The following SLC14A2 variants were observed in gnomAD, a reference collection of about 807,000 sequenced individuals.
SLC14A2 encodes the protein solute carrier family 14 member 2, also known as urea transporter 2.
A neutral mutation model predicts 104.6 loss-of-function variants in SLC14A2; 91 were observed. That is an observed-to-expected ratio of 0.87 (90% CI 0.73 to 1.04). The LOEUF (loss-of-function observed/expected upper bound fraction) is 1.04, where lower values mean the gene tolerates loss of function less well. SLC14A2 is among the 50% of genes least tolerant of loss of function. SLC14A2 has a pLI of 0.00. For synonymous variants in SLC14A2, 476 were observed against 466.4 expected, an observed-to-expected ratio of 1.02 and a Z score of -0.27; for missense variants, 1,189 against 1,156.0, an observed-to-expected ratio of 1.03 and a Z score of -0.41.
At chr18:45,318,824 G>C (rs2085156996) in intron 1 of SLC14A2, among the ~76,000 whole-genome samples, 1 of 152,002 alleles carries the variant, frequency 6.6e-6, no homozygotes, top group Non-Finnish European at 1.5e-5. Context: ...TCCCCAGGCT[G>C]GGACATCACT....
At chr18:45,170,724 C>A in the SLC14A2 span, among the ~76,000 whole-genome samples, 1 of 152,178 alleles carries the variant, frequency 6.6e-6, no homozygotes, top group Non-Finnish European at 1.5e-5. Flanking sequence ...CCAGTGTTAA[C>A]TTTCACTGAG....
rs201432016 is a variant in SLC14A2 at position 45,251,443 on chromosome 18, TCTC to T, written c.-125+38255_-125+38257del. The stretch of plus-strand genomic sequence containing the variant: ...ACCCTCTTGGTCAGAAAAGTACTCT[TCTC>T]CTGCACATGCATCATGATTCACAAC... On this transcript the variant is annotated intron_variant, in intron 1 of 20. Coordinates refer to the SLC14A2 transcript ENST00000586448. Among the ~76,000 whole-genome samples the T allele has an allele frequency of 3.0e-3, 462 of 152,314 alleles. 1 individual carries two copies. The highest frequency in any genetic ancestry group is 0.01 in the African/African-American group (421 of 41,570).
intron 2 of SLC14A2, among the ~76,000 whole-genome samples, chr18:45,597,904 G>T (rs2044736406): frequency 6.6e-6 from 1 of 152,164 alleles, no homozygotes; most frequent in Non-Finnish European, 1.5e-5. Flanking sequence ...CTGGTGCATT[G>T]AGGTGTGGTG....
chr18:45,188,828 T>C, the SLC14A2 span, among the ~76,000 whole-genome samples: 1 of 152,148 alleles, frequency 6.6e-6, no homozygotes, highest in East Asian at 1.9e-4. Flanking sequence ...CAAAAGTTAT[T>C]TGGACAATTG....
chr18:45,662,903 A>G (rs2045956591), intron 10 of SLC14A2, among the ~76,000 whole-genome samples: 1 of 152,188 alleles, frequency 6.6e-6, no homozygotes. Context: ...CAATAGGGCT[A>G]GGAGCATGCA....
chr18:45,596,044 G>C (rs1488197930), intron 2 of SLC14A2, among the ~76,000 whole-genome samples: 2 of 152,166 alleles, frequency 1.3e-5, no homozygotes, highest in African/African-American at 4.8e-5. Context: ...GTACGGACTG[G>C]AGGAAAGCAT....
intron 1 of SLC14A2, among the ~76,000 whole-genome samples, chr18:45,300,709 C>T (rs1222406027): frequency 6.6e-6 from 1 of 152,096 alleles, no homozygotes; most frequent in Non-Finnish European, 1.5e-5. Flanking sequence ...ATGATTAATC[C>T]TCTGAGCATC....
At chr18:45,646,074 A>G (rs957761770) in intron 10 of SLC14A2, 1 of 152,180 alleles carries the variant, frequency 6.6e-6, no homozygotes, top group Non-Finnish European at 1.5e-5. Flanking sequence ...GAACTAGGAT[A>G]CCCAGTGATG....
Position 45,639,735 on chromosome 18 carries a change from T to C in SLC14A2, c.844-11T>C. 6.2e-7 allele frequency: 1 copy of C among 1,613,354 alleles called. No individual in the cohort carries two copies. The highest frequency in any genetic ancestry group is 8.5e-7 in the Non-Finnish European group (1 of 1,179,830). On this transcript the variant is annotated splice_polypyrimidine_tract_variant and intron_variant, in intron 6 of 19. Transcript: ENST00000255226. ...CATGCTCCAGTGACCTGTATTCTGT[T>C]AACTTTGCAGCTGTTACAAGCCATC...
At chr18:45,211,773 G>A (rs956348148), upstream of SLC14A2, among the ~76,000 whole-genome samples, 6 of 152,078 alleles carry the variant, frequency 3.9e-5, no homozygotes, top group African/African-American at 1.2e-4. Flanking sequence ...TACATTTTCT[G>A]TACAAAAAGA....
At chr18:45,672,255 C>T (rs1397974839) in intron 16 of SLC14A2, among the ~76,000 whole-genome samples, 2 of 152,244 alleles carry the variant, frequency 1.3e-5, no homozygotes, top group East Asian at 1.9e-4. Flanking sequence ...CATGGCCAGG[C>T]GTGGTGGCTC....
intron 1 of SLC14A2, among the ~76,000 whole-genome samples, chr18:45,213,409 C>T (rs769277755): frequency 4.6e-5 from 7 of 152,156 alleles, no homozygotes; most frequent in Non-Finnish European, 8.8e-5. Flanking sequence ...TACTGGTCAT[C>T]CTTTAGCTAT....
intron 1 of SLC14A2, among the ~76,000 whole-genome samples, chr18:45,249,001 TAAATTCCCTTTAGTGCCTTTTCAAGGA>T (rs1161679854): frequency 6.6e-6 from 1 of 152,182 alleles, no homozygotes; most frequent in East Asian, 1.9e-4. Context: ...TTTTCTCTTT[TAAATTCCCTTTAGTGCCTTTTCAAGGA>T]AATAGAAGAA....
At chr18:45,478,102 G>T (rs181394418) in intron 1 of SLC14A2, among the ~76,000 whole-genome samples, 86 of 152,292 alleles carry the variant, frequency 5.6e-4, no homozygotes, top group African/African-American at 2.0e-3. Flanking sequence ...GAAACCCAGG[G>T]CCCCGGTGGT....
intron 1 of SLC14A2, among the ~76,000 whole-genome samples, chr18:45,465,301 G>A (rs1019668334): frequency 2.0e-5 from 3 of 152,128 alleles, no homozygotes; most frequent in Non-Finnish European, 4.4e-5. Flanking sequence ...TGTGCAGAGG[G>A]GAAAATAAAA....
chr18:45,349,921 T>C (rs940384703), intron 1 of SLC14A2, among the ~76,000 whole-genome samples: 1 of 152,260 alleles, frequency 6.6e-6, no homozygotes, highest in African/African-American at 2.4e-5. Flanking sequence ...CAGGAAACAT[T>C]GACTACTTCA....
intron 2 of SLC14A2, among the ~76,000 whole-genome samples, chr18:45,518,994 G>A (rs542173286): frequency 2.4e-4 from 37 of 152,278 alleles, no homozygotes; most frequent in African/African-American, 8.4e-4. Context: ...CTAAATGCAA[G>A]CATTTGTGGC....
chr18:45,217,325 TATA>T (rs1247576477), intron 1 of SLC14A2, among the ~76,000 whole-genome samples: 2 of 146,270 alleles, frequency 1.4e-5, no homozygotes, highest in African/African-American at 5.0e-5. Flanking sequence ...CATATGTATA[TATA>T]ATGTACATAT....
chr18:45,255,702 C>G (rs575880377), intron 1 of SLC14A2, among the ~76,000 whole-genome samples: 1 of 152,252 alleles, frequency 6.6e-6, no homozygotes, highest in South Asian at 2.1e-4. Context: ...ACTGACATTC[C>G]ACAGGTCTGA....
Sources: gnomAD v4.1 joint callset for allele counts (sites outside exome capture counted in the v4.1 genomes callset) on GRCh38, gnomAD v4.1.1 for gene constraint, MANE v1.5 for transcripts, NCBI Gene and HGNC (gene_info 2026-07-23, HGNC 2026-07-21) for gene names.